Variants in AUTS2 observed in about 807,000 individuals in gnomAD.
AUTS2 encodes the protein autism susceptibility gene 2 protein.
AUTS2 carries 17 observed loss-of-function variants against 112.4 expected under a neutral mutation model. The observed-to-expected ratio is 0.15, with a 90% confidence interval of 0.10 to 0.23. The LOEUF (loss-of-function observed/expected upper bound fraction) is 0.23, where lower values mean the gene tolerates loss of function less well. Ranked by LOEUF, AUTS2 falls within the 10% of genes least tolerant of loss-of-function variation. The pLI, the probability that AUTS2 is intolerant of heterozygous loss-of-function variation, is 1.00. For synonymous variants in AUTS2, 751 were observed against 702.7 expected (o/e 1.07, Z -1.09); for missense variants, 1,510 against 1,701.6 (o/e 0.89, Z 1.98).
intron 1 of AUTS2, among the ~76,000 whole-genome samples, chr7:69,734,655 T>TTC (rs1554357646): frequency 1.3e-5 from 2 of 151,500 alleles, no homozygotes; most frequent in Admixed American, 1.3e-4. Context: ...GTTTTTTTTT[T>TTC]CCCCATAATG....
intron 2 of AUTS2, among the ~76,000 whole-genome samples, chr7:70,086,982 T>C (rs1234665425): frequency 1.3e-5 from 2 of 151,890 alleles, no homozygotes; most frequent in Non-Finnish European, 2.9e-5. Context: ...ATTATTGCAC[T>C]GGCTGCAATC....
At chr7:70,090,172 A>G (rs970451385) in intron 2 of AUTS2, among the ~76,000 whole-genome samples, 13 of 151,796 alleles carry the variant, frequency 8.6e-5, no homozygotes, top group Non-Finnish European at 1.6e-4. Flanking sequence ...GGGTTATACC[A>G]TATCTTCAAC....
chr7:69,966,173 T>C (rs1243196130), intron 2 of AUTS2, among the ~76,000 whole-genome samples: 1 of 152,208 alleles, frequency 6.6e-6, no homozygotes, highest in African/African-American at 2.4e-5. Flanking sequence ...TCAGACACCT[T>C]GGCTCAGGAA....
At chr7:70,691,322 TG>T (rs551193550) in intron 5 of AUTS2, among the ~76,000 whole-genome samples, 20 of 152,256 alleles carry the variant, frequency 1.3e-4, no homozygotes, top group African/African-American at 4.8e-4. Flanking sequence ...GTGTTTAGTA[TG>T]TTAATCCACC....
At chr7:70,774,901 G>A (rs1585668845) in intron 12 of AUTS2, 1 of 160,870 alleles carries the variant, frequency 6.2e-6, no homozygotes, top group Non-Finnish European at 1.3e-5. Context: ...ATAATGTAAA[G>A]TCATCAATGT....
At chr7:70,095,626 CTACTT>C (rs1289324275) in intron 2 of AUTS2, among the ~76,000 whole-genome samples, 2 of 152,116 alleles carry the variant, frequency 1.3e-5, no homozygotes, top group Non-Finnish European at 2.9e-5. Context: ...AGTCTCTGCT[CTACTT>C]TAGTTTATAG....
At chr7:69,693,114 T>C (rs527774620) in intron 1 of AUTS2, among the ~76,000 whole-genome samples, 1 of 152,340 alleles carries the variant, frequency 6.6e-6, no homozygotes, top group East Asian at 1.9e-4. Context: ...GACTCTGTCA[T>C]TAATTACCTG....
intron 1 of AUTS2, among the ~76,000 whole-genome samples, chr7:69,700,110 G>A (rs760109014): frequency 2.5e-4 from 38 of 152,118 alleles, no homozygotes; most frequent in Non-Finnish European, 3.8e-4. Flanking sequence ...AGATTTCCCC[G>A]CAGTCTTGTC....
chr7:69,780,029 C>T (rs1352585707), intron 1 of AUTS2, among the ~76,000 whole-genome samples: 1 of 151,938 alleles, frequency 6.6e-6, no homozygotes, highest in Non-Finnish European at 1.5e-5. Flanking sequence ...CTAAAATTTT[C>T]CATCTTTTCT....
intron 1 of AUTS2, among the ~76,000 whole-genome samples, chr7:69,722,091 G>A (rs1798980525): frequency 6.6e-6 from 1 of 151,840 alleles, no homozygotes; most frequent in Non-Finnish European, 1.5e-5. Context: ...GAGCAAAGCA[G>A]GATGTGACTT....
At chr7:69,614,348 C>CTTTTCTTTCTTTTCTTTCT (rs1220418611) in intron 1 of AUTS2, among the ~76,000 whole-genome samples, 1 of 78,426 alleles carries the variant, frequency 1.3e-5, no homozygotes, top group African/African-American at 4.3e-5. Context: ...TTCTTTCTTT[C>CTTTTCTTTCTTTTCTTTCT]TTTCTTTCTT....
chr7:70,373,216 A>G (rs1265900097), intron 4 of AUTS2, among the ~76,000 whole-genome samples: 1 of 151,914 alleles, frequency 6.6e-6, no homozygotes, highest in African/African-American at 2.4e-5. Context: ...GAGCAGACAC[A>G]ACTGCATGTG....
At chr7:70,746,566 C>CT (rs1175871610) in intron 6 of AUTS2, among the ~76,000 whole-genome samples, 1 of 152,100 alleles carries the variant, frequency 6.6e-6, no homozygotes, top group Non-Finnish European at 1.5e-5. Flanking sequence ...TAAGTGTAGA[C>CT]TAGAAGTTCA....
At chr7:70,245,144 G>GTATATATATATATATACA (rs1812843328) in intron 4 of AUTS2, among the ~76,000 whole-genome samples, 1 of 108,998 alleles carries the variant, frequency 9.2e-6, no homozygotes, top group Admixed American at 1.0e-4. Flanking sequence ...GTGTGTGTGT[G>GTATATATATATATATACA]TATATATATA....
intron 2 of AUTS2, among the ~76,000 whole-genome samples, chr7:70,057,200 C>G (rs1458365160): frequency 6.6e-6 from 1 of 152,138 alleles, no homozygotes; most frequent in African/African-American, 2.4e-5. Context: ...CCTTGCGGCT[C>G]TGCTTGAACT....
At chr7:70,381,199 A>G (rs538537243) in intron 4 of AUTS2, among the ~76,000 whole-genome samples, 9 of 152,230 alleles carry the variant, frequency 5.9e-5, no homozygotes, top group Non-Finnish European at 1.2e-4. Context: ...TAGCTATTTC[A>G]CCAATGAGAT....
intron 4 of AUTS2, among the ~76,000 whole-genome samples, chr7:70,332,697 A>C (rs768498825): frequency 6.6e-6 from 1 of 152,206 alleles, no homozygotes; most frequent in Non-Finnish European, 1.5e-5. Context: ...AACCTGACAA[A>C]AACAAGCAAT....
At chr7:69,810,254 TTAA>T (rs1215712986) in intron 1 of AUTS2, among the ~76,000 whole-genome samples, 1 of 152,216 alleles carries the variant, frequency 6.6e-6, no homozygotes, top group African/African-American at 2.4e-5. Context: ...ACTCTATGAC[TTAA>T]TAATTGTAGA....
chr7:70,653,513 T>C (rs956206330), intron 5 of AUTS2, among the ~76,000 whole-genome samples: 2 of 152,206 alleles, frequency 1.3e-5, no homozygotes, highest in African/African-American at 4.8e-5. Context: ...GTTCAAATGC[T>C]ACTTCTTGAA....
Sources: allele counts gnomAD v4.1 joint callset (sites outside exome capture counted in the v4.1 genomes callset), GRCh38; gene constraint gnomAD v4.1.1; transcripts MANE v1.5; gene names NCBI Gene and HGNC (gene_info 2026-07-23, HGNC 2026-07-21).